Variants in LRP1B observed in about 807,000 individuals in gnomAD.
The protein encoded by LRP1B is LDL receptor related protein 1B, also known as low-density lipoprotein receptor-related protein 1B.
A neutral mutation model predicts 556.6 loss-of-function variants in LRP1B; 217 were observed. The ratio of observed to expected loss-of-function variants is 0.39; its 90% CI spans 0.35 to 0.44. LRP1B has a LOEUF of 0.44. Ranked by LOEUF, LRP1B falls within the 20% of genes least tolerant of loss-of-function variation. The probability of loss-of-function intolerance (pLI) is 1.00; values close to 1 mark genes in which losing one functional copy is unlikely to be tolerated. For missense variants in LRP1B, 5,053 were observed against 5,620.8 expected, an observed-to-expected ratio of 0.90 and a Z score of 3.23; for synonymous variants, 2,047 against 1,865.8, an observed-to-expected ratio of 1.10 and a Z score of -2.50.
chr2:141,092,191 A>C (rs1339579646), intron 7 of LRP1B, among the ~76,000 whole-genome samples: 1 of 152,196 alleles, frequency 6.6e-6, no homozygotes, highest in East Asian at 1.9e-4. Context: ...GACAATAGTA[A>C]GTGCTGATTT....
chr2:141,386,257 T>C (rs1015445126), intron 3 of LRP1B, among the ~76,000 whole-genome samples: 7 of 152,006 alleles, frequency 4.6e-5, no homozygotes, highest in African/African-American at 1.2e-4. Flanking sequence ...CCCCCAAAAA[T>C]CCAAAATCCA....
At chr2:140,648,859 C>A (rs1684576246) in intron 41 of LRP1B, among the ~76,000 whole-genome samples, 1 of 152,076 alleles carries the variant, frequency 6.6e-6, no homozygotes, top group South Asian at 2.1e-4. Flanking sequence ...AGTGGCATAA[C>A]CCCTCACACA....
chr2:141,608,755 T>C (rs909095701), intron 2 of LRP1B, among the ~76,000 whole-genome samples: 1 of 152,214 alleles, frequency 6.6e-6, no homozygotes, highest in Non-Finnish European at 1.5e-5. Flanking sequence ...ATCCTATATA[T>C]AGGACACTTT....
chr2:141,532,310 A>G (rs1019569105), intron 2 of LRP1B, among the ~76,000 whole-genome samples: 1 of 129,292 alleles, frequency 7.7e-6, no homozygotes, highest in Non-Finnish European at 1.8e-5. Flanking sequence ...CTAGTATTAC[A>G]TTGTATGAAC....
chr2:140,914,862 T>C (rs1346139130), intron 21 of LRP1B, among the ~76,000 whole-genome samples: 3 of 152,262 alleles, frequency 2.0e-5, no homozygotes, highest in Admixed American at 6.5e-5. Context: ...GGTGCAGTAC[T>C]AGTAGTGAAA....
chr2:141,170,617 T>C (rs571716611), intron 7 of LRP1B, among the ~76,000 whole-genome samples: 5 of 152,070 alleles, frequency 3.3e-5, no homozygotes, highest in Non-Finnish European at 7.4e-5. Context: ...ATTACAACAA[T>C]GGTAAGAAAT....
chr2:141,735,506 T>TC (rs891411320), intron 2 of LRP1B, among the ~76,000 whole-genome samples: 3 of 136,548 alleles, frequency 2.2e-5, no homozygotes, highest in African/African-American at 8.4e-5. Flanking sequence ...CAAACATGTT[T>TC]TTTTTTTGGG....
chr2:141,804,623 A>AGAGGATC (rs1696111719), intron 2 of LRP1B, among the ~76,000 whole-genome samples: 1 of 152,066 alleles, frequency 6.6e-6, no homozygotes, highest in Non-Finnish European at 1.5e-5. Context: ...AAAGAATGAG[A>AGAGGATC]GAGGATCGAC....
intron 1 of LRP1B, among the ~76,000 whole-genome samples, chr2:142,049,167 T>A (rs568010819): frequency 2.6e-5 from 4 of 152,178 alleles, no homozygotes; most frequent in Non-Finnish European, 5.9e-5. Flanking sequence ...TAGTACTAAG[T>A]GCATGAACAA....
At chr2:140,321,637 C>T (rs1426875685) in intron 82 of LRP1B, among the ~76,000 whole-genome samples, 7 of 151,776 alleles carry the variant, frequency 4.6e-5, no homozygotes, top group African/African-American at 1.7e-4. Flanking sequence ...AGTTGAAACC[C>T]ATAGCAGAAT....
At chr2:140,983,813 ACTAT>A (rs1696841896) in intron 17 of LRP1B, among the ~76,000 whole-genome samples, 2 of 150,206 alleles carry the variant, frequency 1.3e-5, no homozygotes, top group South Asian at 4.3e-4. Context: ...TATTTTATGC[ACTAT>A]CTGATTTTTT....
At chr2:141,474,780 A>G (rs12053574) in intron 3 of LRP1B, among the ~76,000 whole-genome samples, 77,773 of 151,854 alleles carry the variant, frequency 0.51, 20,151 homozygotes, top group Non-Finnish European at 0.55. Flanking sequence ...AACAAAATAT[A>G]AGAAAAGATG....
At position 141,701,237 on chromosome 2, in the gene LRP1B, A is replaced by C. The variant is rs28414249; in HGVS notation, c.205+109042T>G. ...CAGGAAAATGTCCAAATTCCTTAGT[A>C]TTTCTTACTTCATTCTGCCACATCT... is the stretch of plus-strand genomic sequence containing the variant. On this transcript the variant is annotated intron_variant, in intron 2 of 90. Transcript: ENST00000389484. Among the ~76,000 whole-genome samples, 798 of 151,942 alleles carry C rather than the reference A, an allele frequency of 5.3e-3. 8 individuals are homozygous for C. Among genetic ancestry groups the C allele is most frequent in the African/African-American group, 0.018 (754 of 41,532 alleles).
intron 25 of LRP1B, among the ~76,000 whole-genome samples, chr2:140,875,704 A>T (rs1162750699): frequency 6.6e-6 from 1 of 152,158 alleles, no homozygotes; most frequent in African/African-American, 2.4e-5. Flanking sequence ...AAAGTCCAAA[A>T]ATGACATAAT....
At chr2:140,981,097 G>C (rs988963171) in intron 18 of LRP1B, among the ~76,000 whole-genome samples, 6 of 151,476 alleles carry the variant, frequency 4.0e-5, no homozygotes, top group African/African-American at 1.5e-4. Flanking sequence ...TTGGTGGGGG[G>C]AAAGCTGTAA....
At chr2:140,694,165 T>G (rs1439077939) in intron 41 of LRP1B, among the ~76,000 whole-genome samples, 1 of 152,194 alleles carries the variant, frequency 6.6e-6, no homozygotes, top group Non-Finnish European at 1.5e-5. Context: ...AACAGAAACA[T>G]ATATACTTAG....
chr2:141,329,658 A>ACAAAACAAAACAAG (rs1389533740), intron 3 of LRP1B, among the ~76,000 whole-genome samples: 1 of 138,658 alleles, frequency 7.2e-6, no homozygotes, highest in Admixed American at 6.9e-5. Flanking sequence ...AAAAAAAAAA[A>ACAAAACAAAACAAG]AAAAAAACTA....
chr2:140,379,465 C>A (rs561829167), intron 67 of LRP1B, among the ~76,000 whole-genome samples: 4 of 152,046 alleles, frequency 2.6e-5, no homozygotes, highest in Admixed American at 2.6e-4. Flanking sequence ...GAGGCCGAGG[C>A]GGGCAGATCA....
intron 1 of LRP1B, among the ~76,000 whole-genome samples, chr2:142,082,335 C>T (rs1559060834): frequency 1.3e-5 from 2 of 151,862 alleles, no homozygotes; most frequent in East Asian, 3.9e-4. Flanking sequence ...ATTACTTTGG[C>T]TTTTTTTTCT....
Sources: gnomAD v4.1 joint callset for allele counts (sites outside exome capture counted in the v4.1 genomes callset) on GRCh38, gnomAD v4.1.1 for gene constraint, MANE v1.5 for transcripts, NCBI Gene and HGNC (gene_info 2026-07-23, HGNC 2026-07-21) for gene names.